Variants in AXDND1 observed in about 807,000 individuals in gnomAD.
AXDND1 encodes axonemal dynein light chain domain-containing protein 1.
In AXDND1, 110 loss-of-function variants were observed where a neutral mutation model predicts 137.5. The observed-to-expected ratio is 0.80, with a 90% CI of 0.69 to 0.94. The LOEUF (loss-of-function observed/expected upper bound fraction) is 0.94, where lower values mean the gene tolerates loss of function less well. AXDND1 is among the 40% of genes least tolerant of loss of function. AXDND1 has a pLI of 0.00. For missense variants in AXDND1, 1,191 were observed against 1,169.8 expected, an observed-to-expected ratio of 1.02 and a Z score of -0.26; for synonymous variants, 414 against 399.7, an observed-to-expected ratio of 1.04 and a Z score of -0.43.
intron 6 of AXDND1, among the ~76,000 whole-genome samples, chr1:179,381,876 G>T (rs1648382874): frequency 1.3e-5 from 2 of 151,130 alleles, no homozygotes; most frequent in Non-Finnish European, 2.9e-5. Flanking sequence ...CACCTCCTGG[G>T]TTTAAGCGAT....
intron 15 of AXDND1, among the ~76,000 whole-genome samples, chr1:179,440,657 A>G (rs768269553): frequency 6.6e-6 from 1 of 152,178 alleles, no homozygotes; most frequent in Non-Finnish European, 1.5e-5. Context: ...GAACCAATCA[A>G]TTTGTCTGCT....
chr1:179,533,956 G>T lies in AXDND1; in HGVS notation c.2798+79G>T, dbSNP rs1671273436. On this transcript the variant is annotated intron_variant, in intron 24 of 25. Transcript: ENST00000367618. Reference sequence around the variant, plus strand: ...TTGACTGAGAAATTCACACTTTTTGGCTTCCCTTTGGCTCTCCTGCTTTCT... The same window carrying T: ...TTGACTGAGAAATTCACACTTTTTGTCTTCCCTTTGGCTCTCCTGCTTTCT... 3.1e-6 allele frequency: 4 copies of T among 1,278,834 alleles called. No individual in the cohort carries two copies. In the South Asian group the frequency reaches 3.7e-5, roughly 12 times the overall value. 79.2% of individuals were successfully genotyped at this position (1,278,834 alleles called of 1,614,324 possible).
chr1:179,379,638 A>G (rs1347691321), intron 6 of AXDND1, among the ~76,000 whole-genome samples, 156 bp downstream of exon 6: 1 of 152,142 alleles, frequency 6.6e-6, no homozygotes, highest in African/African-American at 2.4e-5. Context: ...TACAGAAAAT[A>G]CAAAAATATT....
chr1:179,397,630 A>G (rs940396569), intron 11 of AXDND1, among the ~76,000 whole-genome samples: 2 of 152,220 alleles, frequency 1.3e-5, no homozygotes, highest in African/African-American at 4.8e-5. Flanking sequence ...TCAATGAGTC[A>G]TAGATTTGGT....
At chr1:179,438,543 C>T (rs564018356) in intron 15 of AXDND1, among the ~76,000 whole-genome samples, 1 of 152,262 alleles carries the variant, frequency 6.6e-6, no homozygotes, top group Admixed American at 6.5e-5. Flanking sequence ...GAAACAATAG[C>T]AAAAATTATC....
At chr1:179,553,930 TGAGATC>T (rs1673690153) in intron 25 of AXDND1, among the ~76,000 whole-genome samples, 2 of 150,390 alleles carry the variant, frequency 1.3e-5, no homozygotes, top group South Asian at 4.3e-4. Flanking sequence ...TTTTTTTTTT[TGAGATC>T]GAGTCTCGCT....
At chr1:179,445,879 G>C (rs551456453) in intron 16 of AXDND1, among the ~76,000 whole-genome samples, 1 of 152,158 alleles carries the variant, frequency 6.6e-6, no homozygotes, top group East Asian at 1.9e-4. Flanking sequence ...TGAAATTCTT[G>C]GTCATTTGAT....
At chr1:179,524,488 A>G (rs551449420) in intron 21 of AXDND1, among the ~76,000 whole-genome samples, 7 of 152,120 alleles carry the variant, frequency 4.6e-5, no homozygotes, top group Admixed American at 3.9e-4. Flanking sequence ...TCTCAGTGGT[A>G]CCTCCAACTC....
At chr1:179,420,955 G>C (rs968822046) in intron 12 of AXDND1, among the ~76,000 whole-genome samples, 1 of 152,104 alleles carries the variant, frequency 6.6e-6, no homozygotes, top group African/African-American at 2.4e-5. Flanking sequence ...ATAGTTGTTT[G>C]TAAGTCTCTA....
chr1:179,540,980 T>C (rs930126518), intron 25 of AXDND1, among the ~76,000 whole-genome samples: 1 of 152,294 alleles, frequency 6.6e-6, no homozygotes, highest in Admixed American at 6.5e-5. Context: ...ACTGTGAGCA[T>C]AAAACCACCT....
intron 20 of AXDND1, among the ~76,000 whole-genome samples, chr1:179,493,515 T>C (rs1470088590): frequency 1.3e-5 from 2 of 152,200 alleles, no homozygotes; most frequent in South Asian, 2.1e-4. Flanking sequence ...TGGGTTGATA[T>C]CTAGGAATGG....
At chr1:179,522,173 A>G (rs572925014) in intron 21 of AXDND1, among the ~76,000 whole-genome samples, 9 of 152,104 alleles carry the variant, frequency 5.9e-5, no homozygotes, top group African/African-American at 2.2e-4. Flanking sequence ...CTTCTTTCAT[A>G]TTCTCTCTCT....
chr1:179,496,505 C>G (rs904383258), intron 20 of AXDND1, among the ~76,000 whole-genome samples: 2 of 151,990 alleles, frequency 1.3e-5, no homozygotes, highest in East Asian at 1.9e-4. Context: ...TGCAATTGCT[C>G]ACAATATTCC....
At chr1:179,421,076 CCTTCCTTCCTTCCTTCCTTT>C in intron 12 of AXDND1, among the ~76,000 whole-genome samples, 1 of 145,840 alleles carries the variant, frequency 6.9e-6, no homozygotes, top group Non-Finnish European at 1.5e-5. Flanking sequence ...TTCCTTCCTT[CCTTCCTTCCTTCCTTCCTTT>C]CTTCCTTCTT....
chr1:179,539,382 C>G (rs560434330), intron 25 of AXDND1, among the ~76,000 whole-genome samples: 22 of 152,288 alleles, frequency 1.4e-4, no homozygotes, highest in Non-Finnish European at 2.8e-4. Context: ...TAAGGCAGAC[C>G]TGGTGGAAAC....
chr1:179,404,573 T>C (rs1446567221), intron 11 of AXDND1, among the ~76,000 whole-genome samples: 1 of 152,204 alleles, frequency 6.6e-6, no homozygotes, highest in Non-Finnish European at 1.5e-5. Flanking sequence ...ATATGTTTAT[T>C]GAACAAACTC....
intron 25 of AXDND1, chr1:179,551,341 C>T (rs774612878): frequency 6.2e-7 from 1 of 1,614,100 alleles, no homozygotes; most frequent in South Asian, 1.1e-5. Context: ...TGGACAGAGA[C>T]TGAAGGGTGT....
At chr1:179,496,819 C>T (rs1667491766) in intron 20 of AXDND1, among the ~76,000 whole-genome samples, 2 of 151,942 alleles carry the variant, frequency 1.3e-5, no homozygotes, top group South Asian at 4.2e-4. Context: ...TTACCTCCTC[C>T]CCCATACCCC....
chr1:179,419,979 G>A (rs1655424572), intron 12 of AXDND1, among the ~76,000 whole-genome samples: 1 of 152,102 alleles, frequency 6.6e-6, no homozygotes, highest in African/African-American at 2.4e-5. Context: ...AGGACTTCCA[G>A]GAATAAAAGT....
Sources: gnomAD v4.1 joint callset for allele counts (sites outside exome capture counted in the v4.1 genomes callset) on GRCh38, gnomAD v4.1.1 for gene constraint, MANE v1.5 for transcripts, NCBI Gene and HGNC (gene_info 2026-07-23, HGNC 2026-07-21) for gene names.